Variants in RGS7 observed in about 807,000 individuals in gnomAD.
RGS7 encodes the protein regulator of G protein signaling 7.
RGS7 carries 27 observed loss-of-function variants against 81.1 expected under a neutral mutation model. The ratio of observed to expected loss-of-function variants is 0.33; its 90% CI spans 0.25 to 0.46. The LOEUF is 0.46. Ranked by LOEUF, RGS7 falls within the 20% of genes least tolerant of loss-of-function variation. RGS7 has a pLI of 1.00. For missense variants in RGS7, 396 were observed against 607.4 expected, an observed-to-expected ratio of 0.65 and a Z score of 3.66; for synonymous variants, 208 against 207.7, an observed-to-expected ratio of 1.00 and a Z score of -0.01.
At chr1:241,008,023 G>A (rs571969504) in intron 3 of RGS7, among the ~76,000 whole-genome samples, 1 of 152,288 alleles carries the variant, frequency 6.6e-6, no homozygotes, top group African/African-American at 2.4e-5. Context: ...CGAAAATAAA[G>A]TTAGGCAAAT....
chr1:241,328,108 T>C (rs1367971754), intron 2 of RGS7, among the ~76,000 whole-genome samples: 1 of 152,206 alleles, frequency 6.6e-6, no homozygotes, highest in Non-Finnish European at 1.5e-5. Flanking sequence ...ACAGGAAAAT[T>C]TGGAATGTAG....
chr1:240,843,351 A>G (rs1245049284), intron 9 of RGS7, among the ~76,000 whole-genome samples: 2 of 151,454 alleles, frequency 1.3e-5, no homozygotes, highest in Admixed American at 6.6e-5. Flanking sequence ...CTGTAACTTC[A>G]ATTTCCTAGG....
At chr1:240,796,679 G>A (rs1181877982) in intron 18 of RGS7, among the ~76,000 whole-genome samples, 1 of 152,062 alleles carries the variant, frequency 6.6e-6, no homozygotes, top group Non-Finnish European at 1.5e-5. Flanking sequence ...GAGTGAAATT[G>A]TGTCTCAACA....
At chr1:241,207,168 C>T (rs1157224200) in intron 2 of RGS7, among the ~76,000 whole-genome samples, 7 of 151,152 alleles carry the variant, frequency 4.6e-5, no homozygotes, top group African/African-American at 7.3e-5. Context: ...GGGGTTTCAC[C>T]GTGTTAGCCA....
chr1:241,122,922 G>T (rs1358178817), intron 2 of RGS7, among the ~76,000 whole-genome samples: 1 of 152,306 alleles, frequency 6.6e-6, no homozygotes, highest in African/African-American at 2.4e-5. Context: ...CCACGGTATA[G>T]TTGAAAAATC....
chr1:241,248,313 TGCAGAATCCTATG>T (rs1346247780), intron 2 of RGS7, among the ~76,000 whole-genome samples: 1 of 149,808 alleles, frequency 6.7e-6, no homozygotes, highest in Non-Finnish European at 1.5e-5. Context: ...ATTATATATG[TGCAGAATCCTATG>T]GCTGGGTCCT....
intron 2 of RGS7, among the ~76,000 whole-genome samples, chr1:241,264,275 A>T (rs938573523): frequency 2.0e-5 from 3 of 152,162 alleles, no homozygotes; most frequent in African/African-American, 7.2e-5. Flanking sequence ...AGGTGGGCAG[A>T]TAATTTGAGG....
At chr1:240,904,516 G>A (rs1468832844) in intron 6 of RGS7, among the ~76,000 whole-genome samples, 2 of 152,156 alleles carry the variant, frequency 1.3e-5, no homozygotes, top group Non-Finnish European at 2.9e-5. Context: ...TTTGTAAAAG[G>A]ATAGCATTTA....
chr1:241,332,144 A>T (rs2082011168), intron 2 of RGS7, among the ~76,000 whole-genome samples: 1 of 152,212 alleles, frequency 6.6e-6, no homozygotes, highest in Non-Finnish European at 1.5e-5. Flanking sequence ...AGGAACAGTA[A>T]TGGAAATCGT....
chr1:241,212,457 T>C (rs562870978), intron 2 of RGS7, among the ~76,000 whole-genome samples: 2 of 152,312 alleles, frequency 1.3e-5, no homozygotes, highest in South Asian at 2.1e-4. Flanking sequence ...ATTTTTATTT[T>C]GTGCTGGACC....
At chr1:240,996,044 C>A (rs958527592) in intron 3 of RGS7, among the ~76,000 whole-genome samples, 13 of 151,738 alleles carry the variant, frequency 8.6e-5, no homozygotes. Context: ...CCAGAAGATC[C>A]TTCAATGATA....
chr1:240,826,946 G>A (rs1019856516), intron 10 of RGS7, 152 bp downstream of exon 10: 1 of 717,920 alleles, frequency 1.4e-6, no homozygotes, highest in Non-Finnish European at 2.5e-6. Context: ...TGAGCATTAG[G>A]GTGGGGCTAT....
rs148445029 is a variant in RGS7, at chr1:241,024,904, T to G, written c.176-41775A>C. Among the ~76,000 whole-genome samples, 1,290 of 152,318 alleles carry G rather than the reference T, an allele frequency of 8.5e-3. 17 individuals are homozygous for G. Among genetic ancestry groups the G allele is most frequent in the African/African-American group, 0.029 (1,211 of 41,564 alleles). ...GTCAAAGAGATTGCTGATTGCAAAT[T>G]AAAATGTTAATTTCTATCCATTTTA... On this transcript the variant is annotated intron_variant, in intron 3 of 18. Coordinates refer to ENST00000440928, the MANE Select transcript of RGS7 (RefSeq NM_001364886.1).
chr1:240,829,612 C>A (rs1693462928), intron 9 of RGS7, among the ~76,000 whole-genome samples: 1 of 152,076 alleles, frequency 6.6e-6, no homozygotes, highest in East Asian at 1.9e-4. Context: ...CAGTAAAATT[C>A]TTTAAACTCC....
At chr1:241,203,298 T>C (rs955395052) in intron 2 of RGS7, among the ~76,000 whole-genome samples, 1 of 152,120 alleles carries the variant, frequency 6.6e-6, no homozygotes, top group Non-Finnish European at 1.5e-5. Flanking sequence ...AGCAGCGTGA[T>C]CTCGGCTCAC....
intron 6 of RGS7, among the ~76,000 whole-genome samples, chr1:240,872,808 T>C (rs1200352188): frequency 1.3e-5 from 2 of 152,114 alleles, no homozygotes; most frequent in Non-Finnish European, 2.9e-5. Context: ...GCTGGGCACA[T>C]TGGCTCATGC....
At chr1:241,237,407 A>G (rs549493571) in intron 2 of RGS7, among the ~76,000 whole-genome samples, 2 of 152,260 alleles carry the variant, frequency 1.3e-5, no homozygotes, top group Admixed American at 1.3e-4. Context: ...TGGACCATAT[A>G]CCATGAGCAG....
At chr1:241,235,909 TGAGA>T (rs1553294805) in intron 2 of RGS7, among the ~76,000 whole-genome samples, 9 of 137,994 alleles carry the variant, frequency 6.5e-5, no homozygotes, top group South Asian at 2.4e-4. Flanking sequence ...AGATGCACTT[TGAGA>T]GAGAGAGAGA....
At position 240,868,039 on chromosome 1, in the gene RGS7, A is replaced by AAAAGAAAG. The variant is rs142198054; in HGVS notation, c.609+540_609+547dup. 1.6e-3 allele frequency among the ~76,000 whole-genome samples: 235 copies of AAAAGAAAG among 150,856 alleles called. No individual in the cohort carries two copies. The highest frequency in any genetic ancestry group is 5.3e-3 in the African/African-American group (216 of 41,088). The stretch of plus-strand genomic sequence containing the variant: ...AGAAAGAAAGAAAAGAAAAGAAGAG[A>AAAAGAAAG]AAAGAAAGAAAGAAAGAAAGAAAAG... On this transcript the variant is annotated intron_variant, in intron 9 of 18. Coordinates refer to ENST00000440928, the MANE Select transcript of RGS7 (RefSeq NM_001364886.1). This position sits in a 1 kb window ranked among gnomAD's most constrained non-coding sequence, Gnocchi z 5.1.
Sources: gnomAD v4.1 joint callset for allele counts (sites outside exome capture counted in the v4.1 genomes callset) on GRCh38, gnomAD v4.1.1 for gene constraint, Gnocchi (gnomAD v3.1) non-coding constraint, MANE v1.5 for transcripts, NCBI Gene and HGNC (gene_info 2026-07-23, HGNC 2026-07-21) for gene names.